PALM2AKAP2: variants seen among roughly 807,000 people sequenced by gnomAD.
PALM2AKAP2 encodes the protein PALM2 and AKAP2 fusion.
PALM2AKAP2 carries 37 observed loss-of-function variants against 71.5 expected under a neutral mutation model. The observed-to-expected ratio is 0.52, with a 90% CI of 0.40 to 0.68. The LOEUF (loss-of-function observed/expected upper bound fraction) is 0.68, where lower values mean the gene tolerates loss of function less well. PALM2AKAP2 is among the 30% of genes least tolerant of loss of function. The probability of loss-of-function intolerance (pLI) is 0.00; values close to 1 mark genes in which losing one functional copy is unlikely to be tolerated. For synonymous variants in PALM2AKAP2, 468 were observed against 478.8 expected (o/e 0.98, Z 0.29); for missense variants, 1,224 against 1,191.8 (o/e 1.03, Z -0.40).
At chr9:109,832,245 C>T (rs766158498) in intron 1 of PALM2AKAP2, among the ~76,000 whole-genome samples, 25 of 152,232 alleles carry the variant, frequency 1.6e-4, no homozygotes, top group Non-Finnish European at 2.9e-4. Flanking sequence ...TGGCAAGTCT[C>T]GTTGCCTACG....
chr9:109,688,130 G>T (rs1046369594), intron 1 of PALM2AKAP2, among the ~76,000 whole-genome samples: 1 of 152,206 alleles, frequency 6.6e-6, no homozygotes, highest in African/African-American at 2.4e-5. Flanking sequence ...TGATGAAAAA[G>T]TTGAAATATT....
At chr9:109,805,157 A>G (rs1827537709) in intron 1 of PALM2AKAP2, among the ~76,000 whole-genome samples, 1 of 152,234 alleles carries the variant, frequency 6.6e-6, no homozygotes, top group Admixed American at 6.5e-5. Flanking sequence ...GGAAGAAGAC[A>G]TTGAGACAAG....
intron 3 of PALM2AKAP2, among the ~76,000 whole-genome samples, chr9:109,883,460 G>T (rs148534637): frequency 6.6e-6 from 1 of 152,198 alleles, no homozygotes; most frequent in Middle Eastern, 3.2e-3. Flanking sequence ...CTTTCTGTAG[G>T]AGCAGGACTG....
At chr9:109,998,584 T>A (rs899468067) in intron 6 of PALM2AKAP2, among the ~76,000 whole-genome samples, 2 of 143,892 alleles carry the variant, frequency 1.4e-5, no homozygotes, top group Non-Finnish European at 3.0e-5. Context: ...TCTGAATTGT[T>A]TGTGGCTCAG....
At chr9:109,923,232 A>G (rs1830879010) in intron 3 of PALM2AKAP2, among the ~76,000 whole-genome samples, 1 of 152,156 alleles carries the variant, frequency 6.6e-6, no homozygotes, top group South Asian at 2.1e-4. Flanking sequence ...TGGCAGTAGA[A>G]TCCAGACCAC....
chr9:109,726,408 G>A (rs1282229448), intron 1 of PALM2AKAP2, among the ~76,000 whole-genome samples: 1 of 152,232 alleles, frequency 6.6e-6, no homozygotes, highest in East Asian at 1.9e-4. Flanking sequence ...CTCCTGTACT[G>A]CGTTCAGTGG....
At chr9:110,164,872 T>C (rs531202841) in intron 3 of PALM2AKAP2, among the ~76,000 whole-genome samples, 1 of 152,280 alleles carries the variant, frequency 6.6e-6, no homozygotes, top group African/African-American at 2.4e-5. Flanking sequence ...TTTTCCCTTT[T>C]CCATTTCCAT....
In PALM2AKAP2 at chr9:109,691,911, C is replaced by T. The variant is rs865902799; in HGVS notation, c.5+51045C>T. ...ATATATATATATATATACACACACA[C>T]ATATATATATATACACATATATATA... On this transcript the variant is annotated intron_variant, in intron 1 of 6. Coordinates refer to the PALM2AKAP2 transcript ENST00000374531. 1.2e-3 allele frequency among the ~76,000 whole-genome samples: 75 copies of T among 60,036 alleles called. 1 individual carries two copies. The highest frequency in any genetic ancestry group is 3.9e-3 in the South Asian group (7 of 1,784). The allele number at this position is 60,036 out of a possible 152,430, so 39.4% of individuals were successfully genotyped here. A position where few individuals can be genotyped will look rare whatever the true frequency, so the allele number is the denominator to read the frequency against.
chr9:109,990,251 G>T (rs905814143), intron 6 of PALM2AKAP2, among the ~76,000 whole-genome samples: 7 of 151,854 alleles, frequency 4.6e-5, no homozygotes, highest in Non-Finnish European at 8.8e-5. Flanking sequence ...TAGAGACGGG[G>T]TTCCAGCCAT....
chr9:110,023,836 A>G (rs1175063440), intron 7 of PALM2AKAP2, among the ~76,000 whole-genome samples: 4 of 152,058 alleles, frequency 2.6e-5, no homozygotes, highest in Admixed American at 1.3e-4. Flanking sequence ...TACGAAATAC[A>G]AAAAAATTAG....
At chr9:110,038,986 T>A (rs921179555) in intron 7 of PALM2AKAP2, among the ~76,000 whole-genome samples, 1 of 145,972 alleles carries the variant, frequency 6.9e-6, no homozygotes, top group African/African-American at 2.6e-5. Flanking sequence ...AACGTTGGCC[T>A]GGTGTGGTAA....
At chr9:109,935,158 G>A (rs1037339414) in intron 6 of PALM2AKAP2, among the ~76,000 whole-genome samples, 2 of 152,204 alleles carry the variant, frequency 1.3e-5, no homozygotes, top group African/African-American at 4.8e-5. Context: ...GCCTCAACAA[G>A]TTTTGAATGT....
chr9:110,065,469 C>T (rs1043812742), intron 1 of PALM2AKAP2, among the ~76,000 whole-genome samples: 1 of 152,196 alleles, frequency 6.6e-6, no homozygotes, highest in African/African-American at 2.4e-5. Context: ...TCCAGCGATC[C>T]TCCCACCTTG....
chr9:109,801,703 TTGA>T (rs1827434455), intron 1 of PALM2AKAP2, among the ~76,000 whole-genome samples: 2 of 149,468 alleles, frequency 1.3e-5, no homozygotes, highest in African/African-American at 5.1e-5. Context: ...TGCCCAGGTG[TTGA>T]TATGTGTGTG....
intron 1 of PALM2AKAP2, among the ~76,000 whole-genome samples, chr9:109,812,375 G>A (rs148619113): frequency 6.6e-6 from 1 of 152,136 alleles, no homozygotes. Flanking sequence ...TAGCCCAGAT[G>A]AAAGGGAAGA....
intron 6 of PALM2AKAP2, among the ~76,000 whole-genome samples, chr9:110,007,284 C>G (rs933071472): frequency 6.6e-6 from 1 of 152,140 alleles, no homozygotes; most frequent in Non-Finnish European, 1.5e-5. Context: ...CCAATCAATC[C>G]TCTGTTGTTT....
At chr9:109,825,284 A>G (rs1362705351) in intron 1 of PALM2AKAP2, among the ~76,000 whole-genome samples, 1 of 152,230 alleles carries the variant, frequency 6.6e-6, no homozygotes, top group Non-Finnish European at 1.5e-5. Context: ...GCAATATCTC[A>G]TTCAGGACAT....
At chr9:109,662,701 G>A (rs914876990) in intron 1 of PALM2AKAP2, among the ~76,000 whole-genome samples, 2 of 152,144 alleles carry the variant, frequency 1.3e-5, no homozygotes, top group Non-Finnish European at 2.9e-5. Context: ...TTAGGGAGGA[G>A]TCCCTCTTTT....
chr9:110,154,828 G>A (rs146033804), intron 2 of PALM2AKAP2, among the ~76,000 whole-genome samples: 128 of 152,120 alleles, frequency 8.4e-4, no homozygotes, highest in African/African-American at 2.9e-3. Flanking sequence ...AATCAAGAAG[G>A]GTGTATCCTG....
Sources: allele counts gnomAD v4.1 joint callset (sites outside exome capture counted in the v4.1 genomes callset), GRCh38; gene constraint gnomAD v4.1.1; transcripts MANE v1.5; gene names NCBI Gene and HGNC (gene_info 2026-07-23, HGNC 2026-07-21).